WDR11: variants seen among roughly 807,000 people sequenced by gnomAD.
WDR11 encodes WD repeat domain 11, also known as WD repeat-containing protein 11.
Under a neutral mutation model 151.2 loss-of-function variants are expected in WDR11, and 83 were observed. The observed-to-expected ratio is 0.55, with a 90% CI of 0.46 to 0.66. The LOEUF is 0.66. WDR11 is among the 30% of genes least tolerant of loss of function. The probability of loss-of-function intolerance (pLI) is 0.00; values close to 1 mark genes in which losing one functional copy is unlikely to be tolerated. For missense variants in WDR11, 1,301 were observed against 1,480.9 expected (o/e 0.88, Z 1.99); for synonymous variants, 484 against 533.1 (o/e 0.91, Z 1.27).
intron 2 of WDR11, chr10:120,855,937 G>A (rs1482114134): frequency 6.6e-6 from 1 of 152,152 alleles, no homozygotes; most frequent in Non-Finnish European, 1.5e-5. Flanking sequence ...CCTGAGCTTA[G>A]GGGGAAAGTA....
At chr10:120,869,416 T>G (rs1279354834) in intron 9 of WDR11, among the ~76,000 whole-genome samples, 1 of 149,012 alleles carries the variant, frequency 6.7e-6, no homozygotes, top group African/African-American at 2.5e-5. Context: ...CCCGGCCAAA[T>G]TACAGTTTTT....
At position 120,851,396 on chromosome 10, in the gene WDR11, C is replaced by G. The variant is rs891306857; in HGVS notation, c.-25C>G. On this transcript the variant is annotated 5_prime_UTR_variant, in exon 1 of 29. Transcript: ENST00000263461. Reference sequence around the variant, plus strand: ...GCCGCTTCCTGGTTGCGGGTCAGCGCCCAGGTCCTGGGCTGGCCGCCGGGA... The same window carrying G: ...GCCGCTTCCTGGTTGCGGGTCAGCGGCCAGGTCCTGGGCTGGCCGCCGGGA... 6.3e-6 allele frequency: 10 copies of G among 1,598,802 alleles called. No homozygotes were observed. In the African/African-American group the frequency reaches 9.4e-5, roughly 15 times the overall value.
chr10:120,906,753 T>C (rs749343446), intron 27 of WDR11, 23 bp from the exon 28 acceptor site: 1 of 1,614,086 alleles, frequency 6.2e-7, no homozygotes, highest in South Asian at 1.1e-5. Flanking sequence ...AAAGCATAAC[T>C]CTTGTTTTGT....
chr10:120,886,445 T>G (rs1177050483), intron 15 of WDR11, among the ~76,000 whole-genome samples: 1 of 152,220 alleles, frequency 6.6e-6, no homozygotes, highest in Non-Finnish European at 1.5e-5. Context: ...AATTTTATTT[T>G]TCTTGTGTTA....
rs201141838 is a variant in WDR11 at position 120,890,045 on chromosome 10, T to G, written c.2343+36T>G. On this transcript the variant is annotated intron_variant, in intron 18 of 28. Coordinates refer to ENST00000263461, the MANE Select transcript of WDR11 (RefSeq NM_018117.12). Reference sequence around the variant, plus strand: ...TCCATGAGGATAAAACGTAAATAAATTGTTAGCCATAGGAACTGTGCTTTG... The same window carrying G: ...TCCATGAGGATAAAACGTAAATAAAGTGTTAGCCATAGGAACTGTGCTTTG... 6.6e-5 allele frequency: 94 copies of G among 1,433,222 alleles called. 1 individual carries two copies. The highest frequency in any genetic ancestry group is 9.1e-5 in the Non-Finnish European group (93 of 1,019,148). The allele number at this position is 1,433,222 out of a possible 1,614,324, so 88.8% of individuals were successfully genotyped here. A position where few individuals can be genotyped will look rare whatever the true frequency, so the allele number is the denominator to read the frequency against.
chr10:120,904,273 T>G lies in WDR11; in HGVS notation c.3027+131T>G, dbSNP rs901725517. On this transcript the variant is annotated intron_variant, in intron 24 of 28. Transcript: ENST00000263461. ...ATGTACCTCCTTCCCTGTAGACAGT[T>G]TAGGCTTTCTTTCAAAATAATACCA... The G allele has an allele frequency of 4.6e-5, 34 of 741,350 alleles. No homozygotes were observed. In the African/African-American group the frequency reaches 5.3e-4, roughly 12 times the overall value. 45.9% of individuals were successfully genotyped at this position (741,350 alleles called of 1,614,324 possible).
chr10:120,858,735 C>T lies in WDR11; in HGVS notation c.291C>T (p.Val97=). Residue 97 remains valine, a synonymous_variant, in exon 3 of 29, where the codon GTC becomes GTT. Coordinates refer to ENST00000263461, the MANE Select transcript of WDR11 (RefSeq NM_018117.12). The stretch of plus-strand genomic sequence containing the variant: ...CTGATGTCAATGGGAAGATCATCGT[C>T]TGGGATGTAGCAGCAGGAGTAGCTC... ...ASADVNGKII[V]WDVAAGVAQC... 6.2e-7 allele frequency: 1 copy of T among 1,614,186 alleles called. No individual in the cohort carries two copies. The highest frequency in any genetic ancestry group is 1.3e-5 in the African/African-American group (1 of 75,060).
At chr10:120,861,407 C>T (rs960175943) in intron 4 of WDR11, among the ~76,000 whole-genome samples, 2 of 152,136 alleles carry the variant, frequency 1.3e-5, no homozygotes, top group Admixed American at 6.5e-5. Context: ...AGTTTACTTA[C>T]TCACATAGGT....
At chr10:120,869,796 TTTTA>T (rs1846464979) in intron 9 of WDR11, among the ~76,000 whole-genome samples, 2 of 151,902 alleles carry the variant, frequency 1.3e-5, no homozygotes, top group Non-Finnish European at 2.9e-5. Flanking sequence ...TTTTATTTTA[TTTTA>T]TTTTTTTTGA....
intron 4 of WDR11, among the ~76,000 whole-genome samples, chr10:120,861,165 A>C (rs1846123038): frequency 2.6e-5 from 4 of 152,200 alleles, no homozygotes; most frequent in African/African-American, 9.7e-5. Flanking sequence ...TAGCTATGGT[A>C]AGGAATGTTT....
At chr10:120,851,857 C>T (rs1845787970) in intron 1 of WDR11, 2 of 395,692 alleles carry the variant, frequency 5.1e-6, no homozygotes, top group South Asian at 2.4e-5. Flanking sequence ...TTCTCTTTCC[C>T]ATCCTGTCTT....
intron 19 of WDR11, chr10:120,899,793 T>A (rs1314623053): frequency 1.3e-5 from 7 of 545,444 alleles, no homozygotes; most frequent in South Asian, 2.3e-5. Flanking sequence ...AAAAAAAAAA[T>A]AAAATAAAAA....
chr10:120,891,970 C>T (rs1847443695), intron 19 of WDR11, among the ~76,000 whole-genome samples: 1 of 152,100 alleles, frequency 6.6e-6, no homozygotes, highest in African/African-American at 2.4e-5. Flanking sequence ...CCAGGATGGC[C>T]TCCTAGGAAA....
chr10:120,905,090 C>T (rs1481002343), intron 25 of WDR11, among the ~76,000 whole-genome samples: 2 of 152,170 alleles, frequency 1.3e-5, no homozygotes, highest in Non-Finnish European at 2.9e-5. Context: ...TGTGAGAGAA[C>T]TATGCTCTCC....
intron 27 of WDR11, chr10:120,906,340 CA>C: frequency 7.9e-7 from 1 of 1,266,196 alleles, no homozygotes; most frequent in Non-Finnish European, 1.0e-6. Context: ...GCCCAGAGAG[CA>C]GGGGGAGAGG....
In WDR11 at chr10:120,867,185, C is replaced by T; in HGVS notation, c.1294+16C>T. 1 of 1,567,362 alleles carries T rather than the reference C, an allele frequency of 6.4e-7. No individual in the cohort carries two copies. Among genetic ancestry groups the T allele is most frequent in the Non-Finnish European group, 8.8e-7 (1 of 1,137,744 alleles). On this transcript the variant is annotated intron_variant, in intron 9 of 28. Transcript: ENST00000263461. ...AACATGATTGGTAAGCTTTTTTCCC[C>T]TCTAACTCCATGTTAAGTATTCTTT... is the stretch of plus-strand genomic sequence containing the variant.
At chr10:120,900,236 T>G (rs1386130167) in intron 20 of WDR11, 99 bp downstream of exon 20, 2 of 1,057,478 alleles carry the variant, frequency 1.9e-6, no homozygotes, top group African/African-American at 3.1e-5. Flanking sequence ...TTAAAGGGAA[T>G]GGAGCCTTTA....
intron 3 of WDR11, 32 bp downstream of exon 3, chr10:120,858,828 A>G (rs1846034530): frequency 1.9e-6 from 3 of 1,613,802 alleles, no homozygotes; most frequent in Non-Finnish European, 2.5e-6. Context: ...AAGTGTGTAT[A>G]TTGATACACT....
chr10:120,878,268 C>A, intron 11 of WDR11, 85 bp from the exon 12 acceptor site: 2 of 1,094,266 alleles, frequency 1.8e-6, no homozygotes, highest in South Asian at 1.4e-5. Context: ...AAATTTAGGT[C>A]TTTGGAAAAC....
Sources: allele counts gnomAD v4.1 joint callset (sites outside exome capture counted in the v4.1 genomes callset), GRCh38; gene constraint gnomAD v4.1.1; transcripts MANE v1.5; gene names NCBI Gene and HGNC (gene_info 2026-07-23, HGNC 2026-07-21).